The following RORA variants were observed in gnomAD, a reference collection of about 807,000 sequenced individuals.
RORA encodes the protein nuclear receptor ROR-alpha.
RORA carries 7 observed loss-of-function variants against 69.5 expected under a neutral mutation model. That is an observed-to-expected ratio of 0.10 (90% CI 0.06 to 0.19). The LOEUF (loss-of-function observed/expected upper bound fraction) is 0.19, where lower values mean the gene tolerates loss of function less well. Among genes scored for constraint, RORA ranks in the 10% least tolerant of loss-of-function variants. The probability of loss-of-function intolerance (pLI) is 1.00; values close to 1 mark genes in which losing one functional copy is unlikely to be tolerated. For missense variants in RORA, 457 were observed against 663.0 expected (o/e 0.69, Z 3.41); for synonymous variants, 261 against 240.8 (o/e 1.08, Z -0.78).
chr15:60,663,536 A>G (rs1221500986), intron 2 of RORA, among the ~76,000 whole-genome samples: 1 of 151,954 alleles, frequency 6.6e-6, no homozygotes, highest in African/African-American at 2.4e-5. Context: ...GCTCACTGCA[A>G]CCTCTGCCTC....
chr15:61,048,330 C>T (rs975746548), intron 1 of RORA, among the ~76,000 whole-genome samples: 4 of 152,160 alleles, frequency 2.6e-5, no homozygotes, highest in Admixed American at 1.3e-4. Context: ...GGAAACGAGA[C>T]CTGAACACTG....
intron 1 of RORA, among the ~76,000 whole-genome samples, chr15:60,775,119 C>T (rs1394651820): frequency 2.0e-5 from 3 of 152,178 alleles, no homozygotes; most frequent in African/African-American, 4.8e-5. Flanking sequence ...CAACCCTTCT[C>T]TCTTAAGTTC....
At chr15:60,541,964 T>C (rs931614098) in intron 2 of RORA, among the ~76,000 whole-genome samples, 7 of 152,198 alleles carry the variant, frequency 4.6e-5, no homozygotes, top group Non-Finnish European at 7.3e-5. Flanking sequence ...AGACAAACAT[T>C]TCAGATGACA....
chr15:61,011,066 T>C (rs1361300331), intron 1 of RORA, among the ~76,000 whole-genome samples: 5 of 152,246 alleles, frequency 3.3e-5, no homozygotes, highest in Admixed American at 3.3e-4. Flanking sequence ...GCAAAGGTCA[T>C]TTAAGCAAAG....
intron 1 of RORA, among the ~76,000 whole-genome samples, chr15:61,040,475 C>T (rs1184949346): frequency 3.9e-5 from 6 of 151,980 alleles, no homozygotes; most frequent in African/African-American, 1.5e-4. Context: ...CCTGTTTCTA[C>T]ATGTAATACT....
At chr15:60,524,882 T>C (rs1177917150) in intron 3 of RORA, among the ~76,000 whole-genome samples, 6 of 152,136 alleles carry the variant, frequency 3.9e-5, no homozygotes, top group Non-Finnish European at 8.8e-5. Context: ...GCTTTACAAA[T>C]GAGAAAGTTA....
intron 2 of RORA, among the ~76,000 whole-genome samples, chr15:60,533,285 T>C (rs1231262101): frequency 6.6e-6 from 1 of 152,208 alleles, no homozygotes; most frequent in Non-Finnish European, 1.5e-5. Context: ...TTAGAGATTG[T>C]TCCAGATCTC....
chr15:60,645,893 C>T (rs1043502831), intron 2 of RORA, among the ~76,000 whole-genome samples: 49 of 151,534 alleles, frequency 3.2e-4, no homozygotes, highest in African/African-American at 9.5e-4. Context: ...TACACACAGA[C>T]GCATATACAC....
In RORA at chr15:60,597,579, T is replaced by C. The variant is rs377422147; in HGVS notation, c.197-65728A>G. ...ATATATATATATATATATATACACA[T>C]ATATATATATATATACACATATATA... On this transcript the variant is annotated intron_variant, in intron 2 of 10. Coordinates refer to ENST00000335670, the MANE Select transcript of RORA (RefSeq NM_134261.3). Among the ~76,000 whole-genome samples, 6 of 16,966 alleles carry C rather than the reference T, an allele frequency of 3.5e-4. 1 individual carries two copies. Among genetic ancestry groups the C allele is most frequent in the South Asian group, 5.7e-3 (2 of 348 alleles). 11.1% of individuals were successfully genotyped at this position (16,966 alleles called of 152,430 possible). A position where few individuals can be genotyped will look rare whatever the true frequency, so the allele number is the denominator to read the frequency against.
chr15:61,083,081 C>A (rs1282238989), intron 1 of RORA, among the ~76,000 whole-genome samples: 2 of 152,184 alleles, frequency 1.3e-5, no homozygotes, highest in Non-Finnish European at 2.9e-5. Context: ...GCGTCCCTCT[C>A]AAAAAGGTGT....
intron 1 of RORA, among the ~76,000 whole-genome samples, chr15:60,978,147 TCA>T (rs1893930929): frequency 6.6e-6 from 1 of 152,012 alleles, no homozygotes; most frequent in Non-Finnish European, 1.5e-5. Context: ...ATCATCATCA[TCA>T]TCATCAAGAT....
intron 1 of RORA, among the ~76,000 whole-genome samples, chr15:61,047,605 A>AAAACAC (rs1300964398): frequency 1.3e-5 from 2 of 149,982 alleles, no homozygotes; most frequent in Non-Finnish European, 3.0e-5. Context: ...TGGTAAAACA[A>AAAACAC]AAACAAAAAC....
At chr15:60,996,190 A>G (rs1343917043) in intron 1 of RORA, among the ~76,000 whole-genome samples, 1 of 151,560 alleles carries the variant, frequency 6.6e-6, no homozygotes, top group Admixed American at 6.6e-5. Context: ...CCAGCCTCAG[A>G]CTCCCAAGCA....
chr15:60,847,956 C>G (rs1014758134), intron 1 of RORA: 1 of 152,284 alleles, frequency 6.6e-6, no homozygotes, highest in African/African-American at 2.4e-5. Context: ...CTCCAGCCCT[C>G]TGCCCACGTT....
intron 1 of RORA, among the ~76,000 whole-genome samples, chr15:61,181,601 G>A (rs1418483979): frequency 1.4e-5 from 2 of 140,410 alleles, no homozygotes; most frequent in African/African-American, 5.4e-5. Context: ...CCTTTTCAGT[G>A]ACATGCCCAT....
At chr15:60,742,470 C>T (rs535192880) in intron 1 of RORA, among the ~76,000 whole-genome samples, 1 of 152,272 alleles carries the variant, frequency 6.6e-6, no homozygotes, top group East Asian at 1.9e-4. Flanking sequence ...ATATGCATTA[C>T]CTCACAGACA....
intron 2 of RORA, among the ~76,000 whole-genome samples, chr15:60,652,900 A>G (rs936052869): frequency 1.3e-5 from 2 of 152,196 alleles, no homozygotes; most frequent in Admixed American, 6.5e-5. Context: ...CTGTTTGACT[A>G]GCTCAGTGGC....
chr15:60,785,038 T>A (rs1181106521), intron 1 of RORA, among the ~76,000 whole-genome samples: 1 of 152,230 alleles, frequency 6.6e-6, no homozygotes, highest in Non-Finnish European at 1.5e-5. Flanking sequence ...GCTGTCAGCA[T>A]GCTTCAATTA....
intron 2 of RORA, chr15:60,615,000 C>G: frequency 6.2e-7 from 1 of 1,613,762 alleles, no homozygotes; most frequent in South Asian, 1.1e-5. Context: ...ACCAGAACAG[C>G]CTGCTCAGGG....
Sources: allele counts gnomAD v4.1 joint callset (sites outside exome capture counted in the v4.1 genomes callset), GRCh38; gene constraint gnomAD v4.1.1; transcripts MANE v1.5; gene names NCBI Gene and HGNC (gene_info 2026-07-23, HGNC 2026-07-21).